Variants in ZNF148 observed in about 807,000 individuals in gnomAD.
ZNF148 encodes zinc finger protein 148, also known as Beta-Enolase Repressor Factor-1.
In ZNF148, 7 loss-of-function variants were observed where a neutral mutation model predicts 67.7. The ratio of observed to expected loss-of-function variants is 0.10; its 90% CI spans 0.06 to 0.19. The LOEUF is 0.19. ZNF148 is among the 10% of genes least tolerant of loss of function. The pLI is 1.00. For synonymous variants in ZNF148, 333 were observed against 330.7 expected (o/e 1.01, Z -0.08); for missense variants, 583 against 947.1 (o/e 0.62, Z 5.05).
At chr3:125,278,573 T>A (rs1461984430) in intron 6 of ZNF148, among the ~76,000 whole-genome samples, 1 of 152,140 alleles carries the variant, frequency 6.6e-6, no homozygotes, top group Non-Finnish European at 1.5e-5. Context: ...GCACTGGCAC[T>A]GTTGGTCACA....
intron 7 of ZNF148, among the ~76,000 whole-genome samples, chr3:125,254,428 C>T (rs1560116294): frequency 6.6e-6 from 1 of 152,178 alleles, no homozygotes; most frequent in Non-Finnish European, 1.5e-5. Flanking sequence ...TATTCTATCT[C>T]ACAGATACTT....
chr3:125,335,970 T>A (rs1270169994), intron 1 of ZNF148, among the ~76,000 whole-genome samples: 1 of 152,202 alleles, frequency 6.6e-6, no homozygotes, highest in Non-Finnish European at 1.5e-5. Flanking sequence ...CCCACAAAAA[T>A]TCTGTCAAGA....
intron 1 of ZNF148, among the ~76,000 whole-genome samples, chr3:125,362,387 A>T (rs1474508504): frequency 1.3e-5 from 2 of 151,982 alleles, no homozygotes; most frequent in Non-Finnish European, 2.9e-5. Context: ...TTCTTTAATC[A>T]ATTCCTGTAT....
intron 1 of ZNF148, among the ~76,000 whole-genome samples, chr3:125,340,849 G>A (rs13314322): frequency 0.068 from 10,312 of 150,576 alleles, 1,149 homozygotes; most frequent in African/African-American, 0.24. Context: ...TTAGCCGGGC[G>A]TAGTGGCGGG....
At chr3:125,252,446 G>A (rs1462075061) in intron 7 of ZNF148, among the ~76,000 whole-genome samples, 1 of 152,044 alleles carries the variant, frequency 6.6e-6, no homozygotes, top group African/African-American at 2.4e-5. Flanking sequence ...AAGATAGAAA[G>A]TCAAGATTAA....
intron 3 of ZNF148, among the ~76,000 whole-genome samples, chr3:125,317,915 AAC>A (rs1940597306): frequency 6.6e-6 from 1 of 151,954 alleles, no homozygotes; most frequent in South Asian, 2.1e-4. Flanking sequence ...TTTATTTTAA[AAC>A]AAAGACTTAG....
Position 125,232,327 on chromosome 3 carries a change from C to G in ZNF148, c.*14G>C. On this transcript the variant is annotated 3_prime_UTR_variant, in exon 9 of 9. Coordinates refer to ENST00000360647, the MANE Select transcript of ZNF148 (RefSeq NM_021964.3). The surrounding 1 kb of genome is among the most constrained non-coding windows in gnomAD (Gnocchi z 4.2). Reference sequence around the variant, plus strand: ...TTCTAAAGTGCCAGTATTATTTACACTTTTTTTTTTTTTTTAGCCAAAAGT... The same window carrying G: ...TTCTAAAGTGCCAGTATTATTTACAGTTTTTTTTTTTTTTTAGCCAAAAGT... 1 of 1,469,186 alleles carries G rather than the reference C, an allele frequency of 6.8e-7. No homozygotes were observed. Among genetic ancestry groups the G allele is most frequent in the Non-Finnish European group, 9.2e-7 (1 of 1,091,044 alleles). 91.0% of individuals were successfully genotyped at this position (1,469,186 alleles called of 1,614,324 possible).
intron 2 of ZNF148, among the ~76,000 whole-genome samples, chr3:125,327,827 A>G (rs1439897238): frequency 6.6e-6 from 1 of 152,236 alleles, no homozygotes; most frequent in Non-Finnish European, 1.5e-5. Flanking sequence ...ATGAAAACAA[A>G]TATCAAAATT....
chr3:125,248,444 C>A (rs1014945455), intron 7 of ZNF148, among the ~76,000 whole-genome samples: 3 of 152,076 alleles, frequency 2.0e-5, no homozygotes, highest in Non-Finnish European at 4.4e-5. Context: ...TAAAAGAAAC[C>A]CATCATCAGC....
rs552082832 is a variant in ZNF148, at chr3:125,257,878, T to C, written c.667+19848A>G. 2.6e-5 allele frequency among the ~76,000 whole-genome samples: 4 copies of C among 152,328 alleles called. No homozygotes were observed. The South Asian group carries it at 8.3e-4, about 32-fold the overall frequency. On this transcript the variant is annotated intron_variant, in intron 7 of 8. Coordinates refer to ENST00000360647, the MANE Select transcript of ZNF148 (RefSeq NM_021964.3). ...TGCTCTTGTCTTGTTACTCATTTCC[T>C]ATTCTGCCTCCTTCACCTTCCCTAC... is the stretch of plus-strand genomic sequence containing the variant.
chr3:125,354,067 T>C (rs1942256995), intron 1 of ZNF148, among the ~76,000 whole-genome samples: 1 of 152,140 alleles, frequency 6.6e-6, no homozygotes, highest in South Asian at 2.1e-4. Context: ...AAGAAAGCCA[T>C]ATACCAAAAT....
rs939382090 is a variant in ZNF148 at position 125,344,649 on chromosome 3, C to G, written c.-233-13411G>C. Reference sequence around the variant, plus strand: ...TTAGCATCTTACAGCACCTCACATGCCTCAGCCACTTGTTTTGATTTTCTC... The same window carrying G: ...TTAGCATCTTACAGCACCTCACATGGCTCAGCCACTTGTTTTGATTTTCTC... On this transcript the variant is annotated intron_variant, in intron 1 of 8. Coordinates refer to ENST00000360647, the MANE Select transcript of ZNF148 (RefSeq NM_021964.3). 4.4e-6 allele frequency: 3 copies of G among 684,618 alleles called. No homozygotes were observed. The African/African-American group carries it at 5.3e-5, about 12-fold the overall frequency. 42.4% of individuals were successfully genotyped at this position (684,618 alleles called of 1,614,324 possible). A position where few individuals can be genotyped will look rare whatever the true frequency, so the allele number is the denominator to read the frequency against.
intron 4 of ZNF148, among the ~76,000 whole-genome samples, chr3:125,309,870 C>T (rs942717356): frequency 6.6e-6 from 1 of 152,218 alleles, no homozygotes. Context: ...TTTTCAAGCT[C>T]GCACGTAACA....
At chr3:125,317,662 T>TATATATATATAGAG (rs752542874) in intron 3 of ZNF148, among the ~76,000 whole-genome samples, 10 of 90,048 alleles carry the variant, frequency 1.1e-4, no homozygotes, top group South Asian at 7.7e-4. Context: ...TATATATATA[T>TATATATATATAGAG]AGAGAGAGAG....
At chr3:125,309,804 G>A (rs1019321267) in intron 4 of ZNF148, among the ~76,000 whole-genome samples, 6 of 152,300 alleles carry the variant, frequency 3.9e-5, no homozygotes, top group African/African-American at 9.6e-5. Context: ...CAATAAAAAT[G>A]CCAGTCTATT....
At chr3:125,259,122 T>C (rs1183543091) in intron 7 of ZNF148, among the ~76,000 whole-genome samples, 1 of 151,902 alleles carries the variant, frequency 6.6e-6, no homozygotes, top group Non-Finnish European at 1.5e-5. Flanking sequence ...GGGAAAAAAA[T>C]TGCAAATCAC....
chr3:125,373,517 G>T (rs1942959176), intron 1 of ZNF148, among the ~76,000 whole-genome samples: 1 of 152,030 alleles, frequency 6.6e-6, no homozygotes, highest in Non-Finnish European at 1.5e-5. Context: ...AGAGAGCTTG[G>T]TTCATTTCCT....
intron 1 of ZNF148, among the ~76,000 whole-genome samples, chr3:125,346,302 G>C (rs1030666406): frequency 2.0e-5 from 3 of 152,094 alleles, no homozygotes; most frequent in African/African-American, 4.8e-5. Context: ...CACCCAACTA[G>C]GAAAGGGAAC....
intron 7 of ZNF148, among the ~76,000 whole-genome samples, chr3:125,244,416 C>T (rs1029628130): frequency 1.1e-4 from 16 of 152,298 alleles, no homozygotes; most frequent in Admixed American, 2.0e-4. Context: ...CATCCGGCTG[C>T]TGCAATGACC....
Sources: gnomAD v4.1 joint callset for allele counts (sites outside exome capture counted in the v4.1 genomes callset) on GRCh38, gnomAD v4.1.1 for gene constraint, Gnocchi (gnomAD v3.1) non-coding constraint, MANE v1.5 for transcripts, NCBI Gene and HGNC (gene_info 2026-07-23, HGNC 2026-07-21) for gene names.